Variants in ZNF804B observed in about 807,000 individuals in gnomAD.
ZNF804B encodes zinc finger 804B.
ZNF804B carries 80 observed loss-of-function variants against 101.4 expected under a neutral mutation model. The observed-to-expected ratio is 0.79, with a 90% CI of 0.66 to 0.95. The LOEUF is 0.95. Ranked by LOEUF, ZNF804B falls within the 40% of genes least tolerant of loss-of-function variation. ZNF804B has a pLI of 0.00. For missense variants in ZNF804B, 1,673 were observed against 1,561.9 expected (o/e 1.07, Z -1.20); for synonymous variants, 622 against 558.8 (o/e 1.11, Z -1.59).
chr7:88,999,266 T>C (rs1788249353), intron 1 of ZNF804B, among the ~76,000 whole-genome samples: 1 of 152,198 alleles, frequency 6.6e-6, no homozygotes, highest in Non-Finnish European at 1.5e-5. Flanking sequence ...AAAAAGTACA[T>C]TTTATAATAT....
intron 1 of ZNF804B, among the ~76,000 whole-genome samples, chr7:89,032,944 G>A (rs139352378): frequency 1.1e-4 from 16 of 151,048 alleles, no homozygotes; most frequent in African/African-American, 3.9e-4. Flanking sequence ...ATCATGTTTT[G>A]TGATAAAAAC....
At chr7:89,315,762 T>C (rs1247235641) in intron 2 of ZNF804B, among the ~76,000 whole-genome samples, 12 of 151,966 alleles carry the variant, frequency 7.9e-5, no homozygotes, top group Non-Finnish European at 1.8e-4. Flanking sequence ...ACACACAAGC[T>C]GATCATGTCA....
chr7:88,848,206 C>A (rs774683195), intron 1 of ZNF804B, among the ~76,000 whole-genome samples: 2 of 152,068 alleles, frequency 1.3e-5, no homozygotes, highest in Non-Finnish European at 2.9e-5. Flanking sequence ...GCCAAAATGT[C>A]AATAACATCA....
At chr7:89,286,396 T>C (rs1418276662) in intron 2 of ZNF804B, among the ~76,000 whole-genome samples, 1 of 152,192 alleles carries the variant, frequency 6.6e-6, no homozygotes, top group African/African-American at 2.4e-5. Context: ...ATGCCATCAT[T>C]GTTATAGAAA....
chr7:89,037,707 A>G (rs551183345), intron 1 of ZNF804B, among the ~76,000 whole-genome samples: 1 of 152,156 alleles, frequency 6.6e-6, no homozygotes, highest in South Asian at 2.1e-4. Context: ...AGTATACAAT[A>G]CATTATTAAG....
chr7:88,876,201 C>A (rs1791937238), intron 1 of ZNF804B, among the ~76,000 whole-genome samples: 2 of 152,100 alleles, frequency 1.3e-5, no homozygotes, highest in African/African-American at 4.8e-5. Context: ...TTTAGCTTAC[C>A]ATAGCAACCT....
At chr7:88,848,397 G>A (rs1791405961) in intron 1 of ZNF804B, among the ~76,000 whole-genome samples, 1 of 152,108 alleles carries the variant, frequency 6.6e-6, no homozygotes, top group Non-Finnish European at 1.5e-5. Context: ...AAGGAAAGAT[G>A]CAGGCCCAAA....
Position 88,760,085 on chromosome 7 carries a change from G to T in ZNF804B, c.108+1G>T, listed in dbSNP as rs1327297186. The T allele has an allele frequency of 1.9e-6, 3 of 1,612,938 alleles. No homozygotes were observed. Among genetic ancestry groups the T allele is most frequent in the Non-Finnish European group, 1.7e-6 (2 of 1,179,036 alleles). ...GTGCAAGAACGGATCTCCCTCTCCGGTAATGTGCGCGCGCACACACATACA... is the reference window on the plus strand; with the variant it reads ...GTGCAAGAACGGATCTCCCTCTCCGTTAATGTGCGCGCGCACACACATACA... On this transcript the variant is annotated splice_donor_variant, in intron 1 of 3. Transcript: ENST00000333190. LOFTEE classifies it high-confidence loss of function.
In ZNF804B at chr7:88,843,834, A is replaced by G. The variant is rs1455090643; in HGVS notation, c.108+83750A>G. 6.6e-5 allele frequency among the ~76,000 whole-genome samples: 10 copies of G among 152,340 alleles called. 1 individual carries two copies. The East Asian group carries it at 1.9e-3, about 29-fold the overall frequency. On this transcript the variant is annotated intron_variant, in intron 1 of 3. Coordinates refer to ENST00000333190, the MANE Select transcript of ZNF804B (RefSeq NM_181646.5). ...ATCACAATGGCAATTGTAATATTTT[A>G]AGCTAATTTAAAAACATTTTATGCA...
intron 2 of ZNF804B, among the ~76,000 whole-genome samples, chr7:89,227,645 C>T (rs947011469): frequency 6.6e-6 from 1 of 152,084 alleles, no homozygotes; most frequent in African/African-American, 2.4e-5. Context: ...CTTAATTAAA[C>T]AGCAATTATG....
chr7:89,050,312 G>T (rs1274094103), intron 1 of ZNF804B, among the ~76,000 whole-genome samples: 2 of 149,500 alleles, frequency 1.3e-5, no homozygotes, highest in East Asian at 4.1e-4. Context: ...ATGGGTTATT[G>T]CCACCTAAGA....
Position 89,337,203 on chromosome 7 carries a change from A to G in ZNF804B, c.*171A>G. 1 of 762,252 alleles carries G rather than the reference A, an allele frequency of 1.3e-6. No homozygotes were observed. Among genetic ancestry groups the G allele is most frequent in the East Asian group, 2.8e-5 (1 of 35,744 alleles). 47.2% of individuals were successfully genotyped at this position (762,252 alleles called of 1,614,324 possible). A position where few individuals can be genotyped will look rare whatever the true frequency, so the allele number is the denominator to read the frequency against. ...CTAATACTAAAACAAGAGCATTTTA[A>G]TAATTTTTTAGCTTGCCAAAATAAT... On this transcript the variant is annotated 3_prime_UTR_variant, in exon 4 of 4. Coordinates refer to ENST00000333190, the MANE Select transcript of ZNF804B (RefSeq NM_181646.5).
At chr7:89,009,394 G>T (rs184334364) in intron 1 of ZNF804B, among the ~76,000 whole-genome samples, 1 of 151,846 alleles carries the variant, frequency 6.6e-6, no homozygotes, top group African/African-American at 2.4e-5. Context: ...AATTCCATTT[G>T]CTCACAAGAT....
chr7:89,265,699 A>G (rs1228280781), intron 2 of ZNF804B, among the ~76,000 whole-genome samples: 1 of 152,262 alleles, frequency 6.6e-6, no homozygotes. Flanking sequence ...AATTATTCAA[A>G]AAAATAGAAA....
intron 1 of ZNF804B, among the ~76,000 whole-genome samples, chr7:89,099,415 G>T (rs1485086837): frequency 1.3e-5 from 2 of 152,100 alleles, no homozygotes; most frequent in African/African-American, 4.8e-5. Context: ...TGGGTACATG[G>T]TTTAAAATCC....
At chr7:89,229,102 G>A (rs1584070765) in intron 2 of ZNF804B, among the ~76,000 whole-genome samples, 1 of 152,184 alleles carries the variant, frequency 6.6e-6, no homozygotes, top group Non-Finnish European at 1.5e-5. Context: ...TCCCGCCCGC[G>A]CCTCTCCCTC....
At chr7:88,847,887 T>C (rs1484389220) in intron 1 of ZNF804B, among the ~76,000 whole-genome samples, 1 of 152,204 alleles carries the variant, frequency 6.6e-6, no homozygotes, top group East Asian at 1.9e-4. Context: ...ATACAAGTTC[T>C]TTAAGCTTTC....
At chr7:89,326,087 CT>C (rs949169011) in intron 2 of ZNF804B, among the ~76,000 whole-genome samples, 5 of 151,834 alleles carry the variant, frequency 3.3e-5, no homozygotes, top group African/African-American at 1.2e-4. Flanking sequence ...AACTATTGAT[CT>C]TTTTTTTCTG....
At chr7:89,146,846 G>A (rs1455832294) in intron 1 of ZNF804B, among the ~76,000 whole-genome samples, 2 of 150,314 alleles carry the variant, frequency 1.3e-5, no homozygotes, top group African/African-American at 5.0e-5. Flanking sequence ...GGGCAATATG[G>A]CAAAACCCTG....
Sources: allele counts gnomAD v4.1 joint callset (sites outside exome capture counted in the v4.1 genomes callset), GRCh38; gene constraint gnomAD v4.1.1; transcripts MANE v1.5; gene names NCBI Gene and HGNC (gene_info 2026-07-23, HGNC 2026-07-21).